The following PCSK2 variants were observed in gnomAD, a reference collection of about 807,000 sequenced individuals.
The protein encoded by PCSK2 is proprotein convertase subtilisin/kexin type 2, also known as neuroendocrine convertase 2.
PCSK2 carries 14 observed loss-of-function variants against 69.7 expected under a neutral mutation model. The observed-to-expected ratio is 0.20, with a 90% CI of 0.13 to 0.31. PCSK2 has a LOEUF of 0.31. Ranked by LOEUF, PCSK2 falls within the 10% of genes least tolerant of loss-of-function variation. The pLI, the probability that PCSK2 is intolerant of heterozygous loss-of-function variation, is 1.00. For synonymous variants in PCSK2, 307 were observed against 320.7 expected, an observed-to-expected ratio of 0.96 and a Z score of 0.46; for missense variants, 544 against 842.5, an observed-to-expected ratio of 0.65 and a Z score of 4.39.
At chr20:17,317,684 C>T (rs190333398) in intron 2 of PCSK2, among the ~76,000 whole-genome samples, 33 of 152,036 alleles carry the variant, frequency 2.2e-4, no homozygotes, top group Admixed American at 1.3e-3. Flanking sequence ...CATTCAATTG[C>T]CAGACAGTTT....
At chr20:17,321,954 T>C (rs1437466370) in intron 2 of PCSK2, among the ~76,000 whole-genome samples, 1 of 152,108 alleles carries the variant, frequency 6.6e-6, no homozygotes, top group African/African-American at 2.4e-5. Context: ...TGAAAATCTC[T>C]CTTGTGATGT....
chr20:17,464,374 G>A (rs941699065), intron 10 of PCSK2: 14 of 125,818 alleles, frequency 1.1e-4, no homozygotes, highest in African/African-American at 4.2e-4. Flanking sequence ...AAGAAGACTA[G>A]TTTATTCACT....
At chr20:17,438,905 C>A (rs2032540695) in intron 8 of PCSK2, among the ~76,000 whole-genome samples, 1 of 152,154 alleles carries the variant, frequency 6.6e-6, no homozygotes, top group African/African-American at 2.4e-5. Context: ...GAGTTCCTTC[C>A]CCTCTGTATC....
chr20:17,278,611 C>T (rs1988184124), intron 2 of PCSK2, among the ~76,000 whole-genome samples: 1 of 152,014 alleles, frequency 6.6e-6, no homozygotes, highest in African/African-American at 2.4e-5. Context: ...AGGAGATATA[C>T]CTAATGCTAA....
chr20:17,476,068 C>A (rs957099759), intron 11 of PCSK2, among the ~76,000 whole-genome samples: 3 of 152,192 alleles, frequency 2.0e-5, no homozygotes, highest in Non-Finnish European at 4.4e-5. Flanking sequence ...TGCCTAGAAA[C>A]CCTGTGATAG....
intron 3 of PCSK2, among the ~76,000 whole-genome samples, chr20:17,359,601 T>C (rs1004802672): frequency 2.0e-5 from 3 of 152,220 alleles, no homozygotes; most frequent in African/African-American, 2.4e-5. Context: ...TGAGATCACA[T>C]GTCATTGGCC....
chr20:17,462,719 C>T (rs552640183), intron 10 of PCSK2, among the ~76,000 whole-genome samples: 101 of 152,306 alleles, frequency 6.6e-4, no homozygotes, highest in Non-Finnish European at 6.5e-4. Context: ...TTGCGCAGTA[C>T]CTTCTCATAT....
At chr20:17,246,329 A>G (rs1484447654) in intron 1 of PCSK2, among the ~76,000 whole-genome samples, 2 of 152,194 alleles carry the variant, frequency 1.3e-5, no homozygotes, top group Admixed American at 6.5e-5. Flanking sequence ...TTTCCTTACT[A>G]TAAAGTGTGT....
chr20:17,429,328 A>G lies in PCSK2; in HGVS notation c.621-107A>G. 2.5e-6 allele frequency: 2 copies of G among 791,400 alleles called. 1 individual carries two copies. The highest frequency in any genetic ancestry group is 3.1e-5 in the South Asian group (2 of 65,072). 49.0% of individuals were successfully genotyped at this position (791,400 alleles called of 1,614,324 possible). A position where few individuals can be genotyped will look rare whatever the true frequency, so the allele number is the denominator to read the frequency against. Reference sequence around the variant, plus strand: ...TCAGTGACACAGGGTTTACTTGTATATGATACGCAGATTTCATTTTTGTTC... The same window carrying G: ...TCAGTGACACAGGGTTTACTTGTATGTGATACGCAGATTTCATTTTTGTTC... On this transcript the variant is annotated intron_variant, in intron 6 of 11. Transcript: ENST00000262545.
chr20:17,392,350 G>T (rs2031404611), intron 5 of PCSK2, among the ~76,000 whole-genome samples: 2 of 152,138 alleles, frequency 1.3e-5, no homozygotes, highest in African/African-American at 4.8e-5. Context: ...CTTGAAAGAA[G>T]AATTAGTACA....
intron 5 of PCSK2, among the ~76,000 whole-genome samples, chr20:17,376,874 A>C (rs183005667): frequency 6.6e-6 from 1 of 152,370 alleles, no homozygotes; most frequent in East Asian, 1.9e-4. Context: ...TTAACTCACC[A>C]ATATTATTGC....
Position 17,484,555 on chromosome 20 carries a change from C to G in PCSK2, c.*2485C>G, listed in dbSNP as rs1568671027. On this transcript the variant is annotated 3_prime_UTR_variant, in exon 12 of 12. Coordinates refer to ENST00000262545, the MANE Select transcript of PCSK2 (RefSeq NM_002594.5). ...ACATGTTGTAAATTAGGAGGCTCAACAATAAAACATTATGCTCCAGAAATT... is the reference window on the plus strand; with the variant it reads ...ACATGTTGTAAATTAGGAGGCTCAAGAATAAAACATTATGCTCCAGAAATT... 6.6e-6 allele frequency: 1 copy of G among 152,142 alleles called. No homozygotes were observed. The highest frequency in any genetic ancestry group is 1.5e-5 in the Non-Finnish European group (1 of 67,958). 9.4% of individuals were successfully genotyped at this position (152,142 alleles called of 1,614,324 possible).
chr20:17,236,970 G>A lies in PCSK2; in HGVS notation c.177+9488G>A, dbSNP rs533232189. On this transcript the variant is annotated intron_variant, in intron 1 of 11. Coordinates refer to ENST00000262545, the MANE Select transcript of PCSK2 (RefSeq NM_002594.5). ...ACTGCTAGTAGACATGAGAGAGGGAGTGGACAAAGGACAGATCATGATTTC... is the reference window on the plus strand; with the variant it reads ...ACTGCTAGTAGACATGAGAGAGGGAATGGACAAAGGACAGATCATGATTTC... 1.2e-3 allele frequency among the ~76,000 whole-genome samples: 176 copies of A among 152,122 alleles called. 1 individual carries two copies. Among genetic ancestry groups the A allele is most frequent in the African/African-American group, 4.2e-3 (173 of 41,514 alleles).
intron 2 of PCSK2, among the ~76,000 whole-genome samples, chr20:17,347,655 C>T (rs1226028689): frequency 6.6e-6 from 1 of 152,034 alleles, no homozygotes; most frequent in African/African-American, 2.4e-5. Flanking sequence ...GTAACAAATG[C>T]ACGCTGTGCT....
chr20:17,395,020 A>G (rs1005916061), intron 5 of PCSK2, among the ~76,000 whole-genome samples: 1 of 152,162 alleles, frequency 6.6e-6, no homozygotes, highest in Non-Finnish European at 1.5e-5. Flanking sequence ...CAAAGGTTCA[A>G]ACTACTTCTT....
At chr20:17,398,915 T>A (rs2031573785) in intron 5 of PCSK2, among the ~76,000 whole-genome samples, 1 of 152,224 alleles carries the variant, frequency 6.6e-6, no homozygotes, top group Non-Finnish European at 1.5e-5. Flanking sequence ...CTGAAGGTGC[T>A]ATTAAAAATT....
chr20:17,266,542 A>G (rs780928298), intron 2 of PCSK2, among the ~76,000 whole-genome samples: 1 of 152,214 alleles, frequency 6.6e-6, no homozygotes, highest in Non-Finnish European at 1.5e-5. Context: ...TTCACTCCCT[A>G]AGGCGTGATT....
At chr20:17,279,885 TAA>T (rs1016630403) in intron 2 of PCSK2, among the ~76,000 whole-genome samples, 10 of 152,070 alleles carry the variant, frequency 6.6e-5, no homozygotes, top group African/African-American at 2.2e-4. Flanking sequence ...GTTGATTCAA[TAA>T]GTGTTTTCAA....
chr20:17,332,856 A>G (rs1196709034), intron 2 of PCSK2, among the ~76,000 whole-genome samples: 1 of 152,136 alleles, frequency 6.6e-6, no homozygotes, highest in Non-Finnish European at 1.5e-5. Context: ...TATATATGCA[A>G]TATAGTCTTT....
Sources: gnomAD v4.1 joint callset for allele counts (sites outside exome capture counted in the v4.1 genomes callset) on GRCh38, gnomAD v4.1.1 for gene constraint, MANE v1.5 for transcripts, NCBI Gene and HGNC (gene_info 2026-07-23, HGNC 2026-07-21) for gene names.